RIT2: variants seen among roughly 807,000 people sequenced by gnomAD.
RIT2 encodes the protein Ras like without CAAX 2.
In RIT2, 24 loss-of-function variants were observed where a neutral mutation model predicts 23.7. That is an observed-to-expected ratio of 1.01 (90% CI 0.73 to 1.43). RIT2 has a LOEUF of 1.43. RIT2 is among the 40% of genes most tolerant of loss of function. The probability of loss-of-function intolerance (pLI) is 0.00; values close to 1 mark genes in which losing one functional copy is unlikely to be tolerated. For missense variants in RIT2, 236 were observed against 266.9 expected, an observed-to-expected ratio of 0.88 and a Z score of 0.81; for synonymous variants, 107 against 91.1, an observed-to-expected ratio of 1.17 and a Z score of -0.99.
chr18:42,976,418 A>T (rs1396780045), intron 2 of RIT2, among the ~76,000 whole-genome samples: 1 of 152,110 alleles, frequency 6.6e-6, no homozygotes, highest in Non-Finnish European at 1.5e-5. Flanking sequence ...TTATGAATAT[A>T]TTTAAAAGAG....
chr18:43,069,463 T>C (rs951270639), intron 1 of RIT2, among the ~76,000 whole-genome samples: 4 of 152,174 alleles, frequency 2.6e-5, no homozygotes, highest in African/African-American at 9.7e-5. Context: ...ATAAGTCTTC[T>C]TGTTATCTCT....
intron 2 of RIT2, among the ~76,000 whole-genome samples, chr18:42,989,427 A>G (rs1313857142): frequency 3.3e-5 from 5 of 152,220 alleles, no homozygotes; most frequent in Non-Finnish European, 5.9e-5. Flanking sequence ...ATTTTCTAGT[A>G]ACTATACTAA....
At chr18:42,872,029 A>G (rs1207974584) in intron 4 of RIT2, among the ~76,000 whole-genome samples, 3 of 152,184 alleles carry the variant, frequency 2.0e-5, no homozygotes, top group Admixed American at 6.5e-5. Context: ...AGGAAAGTGA[A>G]TATCCAGGGC....
chr18:43,014,661 CA>C (rs61052935), intron 2 of RIT2, among the ~76,000 whole-genome samples: 144,215 of 151,104 alleles, frequency 0.95, 69,173 homozygotes, highest in East Asian at 1. Flanking sequence ...CTTTCAAAAG[CA>C]AAAAAAGGAA....
At chr18:43,061,543 C>T (rs1484067026) in intron 1 of RIT2, among the ~76,000 whole-genome samples, 1 of 152,150 alleles carries the variant, frequency 6.6e-6, no homozygotes, top group Non-Finnish European at 1.5e-5. Flanking sequence ...AAAAACTGAA[C>T]TGCCAGTTCT....
At chr18:43,055,003 G>T (rs187859782) in intron 1 of RIT2, among the ~76,000 whole-genome samples, 2 of 152,174 alleles carry the variant, frequency 1.3e-5, no homozygotes, top group East Asian at 3.9e-4. Context: ...ACTGTTAAAT[G>T]CATCAATTCA....
intron 4 of RIT2, among the ~76,000 whole-genome samples, chr18:42,857,646 C>T (rs549932111): frequency 6.6e-6 from 1 of 152,288 alleles, no homozygotes; most frequent in African/African-American, 2.4e-5. Context: ...CTGAAAAGGG[C>T]CTGCATAAAT....
chr18:42,837,474 T>A lies in RIT2; in HGVS notation c.426+86098A>T, dbSNP rs542619385. Among the ~76,000 whole-genome samples the A allele has an allele frequency of 3.9e-3, 586 of 149,404 alleles. 1 individual carries two copies. The highest frequency in any genetic ancestry group is 5.1e-3 in the Non-Finnish European group (340 of 67,208). Reference sequence around the variant, plus strand: ...GAGCCACCACACCTGGCCTCTTTTTTAAAAAAAAAAATGTACTTTCACATT... The same window carrying A: ...GAGCCACCACACCTGGCCTCTTTTTAAAAAAAAAAAATGTACTTTCACATT... On this transcript the variant is annotated intron_variant, in intron 4 of 4. Transcript: ENST00000326695.
intron 4 of RIT2, among the ~76,000 whole-genome samples, chr18:42,922,507 G>C (rs1909078316): frequency 6.6e-6 from 1 of 152,126 alleles, no homozygotes; most frequent in Admixed American, 6.5e-5. Context: ...ACAAAAATTT[G>C]ATTTGCATGA....
chr18:42,957,127 C>A (rs1369461554), intron 3 of RIT2, among the ~76,000 whole-genome samples: 1 of 152,144 alleles, frequency 6.6e-6, no homozygotes, highest in Non-Finnish European at 1.5e-5. Flanking sequence ...ATTACATATT[C>A]ACTTAAAACA....
intron 4 of RIT2, among the ~76,000 whole-genome samples, chr18:42,798,243 G>A (rs1905429870): frequency 1.3e-5 from 2 of 152,226 alleles, no homozygotes; most frequent in Admixed American, 1.3e-4. Context: ...AGAAAGCCCT[G>A]AACAATTATC....
At chr18:42,988,231 A>C (rs1335615821) in intron 2 of RIT2, among the ~76,000 whole-genome samples, 2 of 152,206 alleles carry the variant, frequency 1.3e-5, no homozygotes, top group African/African-American at 4.8e-5. Flanking sequence ...AAAAAGTTTT[A>C]AAAAGAGAAT....
intron 4 of RIT2, among the ~76,000 whole-genome samples, chr18:42,819,006 G>A (rs1397890544): frequency 6.6e-6 from 1 of 151,966 alleles, no homozygotes; most frequent in African/African-American, 2.4e-5. Context: ...CAGAATTAAG[G>A]AGATGACAGG....
chr18:42,899,109 G>A (rs117060113), intron 4 of RIT2, among the ~76,000 whole-genome samples: 1,621 of 151,838 alleles, frequency 0.011, 24 homozygotes, highest in Non-Finnish European at 0.015. Flanking sequence ...TCACACAATA[G>A]TTTTAGCATC....
intron 4 of RIT2, among the ~76,000 whole-genome samples, chr18:42,885,801 A>G (rs963122524): frequency 6.6e-6 from 1 of 152,212 alleles, no homozygotes. Context: ...ACATATTTGC[A>G]TATACAATTT....
intron 4 of RIT2, among the ~76,000 whole-genome samples, chr18:42,793,089 A>T (rs994259538): frequency 2.6e-5 from 4 of 152,158 alleles, no homozygotes; most frequent in African/African-American, 9.7e-5. Context: ...TTCAATAATA[A>T]TGTATTTATT....
intron 3 of RIT2, among the ~76,000 whole-genome samples, chr18:42,950,228 T>C (rs1160324882): frequency 1.3e-5 from 2 of 152,034 alleles, no homozygotes; most frequent in African/African-American, 4.8e-5. Context: ...TGGAACAGGA[T>C]AGAGAGCCCG....
At chr18:42,869,124 T>G (rs1350464029) in intron 4 of RIT2, among the ~76,000 whole-genome samples, 1 of 152,238 alleles carries the variant, frequency 6.6e-6, no homozygotes. Flanking sequence ...GTCCCCAAAC[T>G]TATTGGCACC....
intron 4 of RIT2, among the ~76,000 whole-genome samples, chr18:42,798,356 T>C (rs752800784): frequency 6.6e-6 from 1 of 152,218 alleles, no homozygotes; most frequent in African/African-American, 2.4e-5. Flanking sequence ...CCCACAGTCA[T>C]GGAAAGTTAA....
Sources: allele counts gnomAD v4.1 joint callset (sites outside exome capture counted in the v4.1 genomes callset), GRCh38; gene constraint gnomAD v4.1.1; transcripts MANE v1.5; gene names NCBI Gene and HGNC (gene_info 2026-07-23, HGNC 2026-07-21).